Variants in NRXN3 observed in about 807,000 individuals in gnomAD.
NRXN3 encodes the protein neurexin III.
Under a neutral mutation model 137.6 loss-of-function variants are expected in NRXN3, and 32 were observed. The ratio of observed to expected loss-of-function variants is 0.23; its 90% CI spans 0.18 to 0.31. The LOEUF (loss-of-function observed/expected upper bound fraction) is 0.31. Ranked by LOEUF, NRXN3 falls within the 10% of genes least tolerant of loss-of-function variation. The pLI is 1.00. For synonymous variants in NRXN3, 798 were observed against 784.5 expected, an observed-to-expected ratio of 1.02 and a Z score of -0.29; for missense variants, 1,574 against 2,062.5, an observed-to-expected ratio of 0.76 and a Z score of 4.59.
intron 2 of NRXN3, among the ~76,000 whole-genome samples, chr14:78,255,962 C>T (rs1372295909): frequency 1.3e-5 from 2 of 152,148 alleles, no homozygotes; most frequent in African/African-American, 2.4e-5. Context: ...TTGGAAACAC[C>T]TTCTTTCTTT....
intron 4 of NRXN3, among the ~76,000 whole-genome samples, chr14:78,609,144 T>G (rs1205902572): frequency 6.6e-6 from 1 of 152,090 alleles, no homozygotes; most frequent in Non-Finnish European, 1.5e-5. Flanking sequence ...ATCTTGAAAC[T>G]AATAGCTGGA....
intron 10 of NRXN3, among the ~76,000 whole-genome samples, chr14:78,954,982 G>A (rs2099394210): frequency 6.6e-6 from 1 of 152,020 alleles, no homozygotes; most frequent in South Asian, 2.1e-4. Context: ...TACCAATGAA[G>A]CAATGTTCCC....
At chr14:78,666,994 A>G (rs1364211592) in intron 6 of NRXN3, among the ~76,000 whole-genome samples, 1 of 151,922 alleles carries the variant, frequency 6.6e-6, no homozygotes, top group East Asian at 1.9e-4. Flanking sequence ...TTCTTCTATA[A>G]CTTGTTTATT....
At chr14:79,172,640 G>T (rs576315649) in intron 15 of NRXN3, among the ~76,000 whole-genome samples, 1 of 152,136 alleles carries the variant, frequency 6.6e-6, no homozygotes, top group African/African-American at 2.4e-5. Context: ...ATGGTTTTGA[G>T]TGGTGACAAT....
At chr14:79,618,813 C>T (rs1456707603) in intron 16 of NRXN3, among the ~76,000 whole-genome samples, 7 of 152,120 alleles carry the variant, frequency 4.6e-5, no homozygotes, top group African/African-American at 9.6e-5. Context: ...TACATTCTCA[C>T]CAACAGTGTA....
chr14:79,512,380 A>G (rs73341446), intron 16 of NRXN3, among the ~76,000 whole-genome samples: 2 of 152,348 alleles, frequency 1.3e-5, no homozygotes, highest in African/African-American at 4.8e-5. Context: ...GACCTCCTCC[A>G]GATGACTATT....
chr14:78,906,466 C>T (rs1483328436), intron 10 of NRXN3, among the ~76,000 whole-genome samples: 1 of 152,074 alleles, frequency 6.6e-6, no homozygotes, highest in Non-Finnish European at 1.5e-5. Flanking sequence ...ACCAACTTGC[C>T]TTGATCCCTA....
Position 78,314,562 on chromosome 14 carries a change from G to T in NRXN3, c.757+16702G>T, listed in dbSNP as rs533753130. ...TCCTAAAGGGCCATGCCTGGACATA[G>T]TGTGCATCATCTATGATTGGCCAGA... On this transcript the variant is annotated intron_variant, in intron 4 of 20. Coordinates refer to ENST00000335750, the MANE Select transcript of NRXN3 (RefSeq NM_001330195.2). Among the ~76,000 whole-genome samples, 16 of 152,284 alleles carry T rather than the reference G, an allele frequency of 1.1e-4. No individual in the cohort carries two copies. In the East Asian group the frequency reaches 2.7e-3, roughly 26 times the overall value.
chr14:78,815,631 A>G (rs2098930593), intron 10 of NRXN3, among the ~76,000 whole-genome samples: 1 of 151,442 alleles, frequency 6.6e-6, no homozygotes. Flanking sequence ...AGTTTATTAT[A>G]CTGGACTTAT....
chr14:78,424,611 A>G (rs2093587941), intron 4 of NRXN3, among the ~76,000 whole-genome samples: 1 of 152,252 alleles, frequency 6.6e-6, no homozygotes, highest in African/African-American at 2.4e-5. Flanking sequence ...AATCTGAGAC[A>G]TCCCCAGAGC....
At chr14:79,218,922 G>T (rs777961490) in intron 15 of NRXN3, among the ~76,000 whole-genome samples, 4 of 151,912 alleles carry the variant, frequency 2.6e-5, no homozygotes, top group African/African-American at 9.7e-5. Context: ...ATATAAAGGG[G>T]TAAGAGTGAA....
At chr14:79,343,977 T>C (rs1598936102) in intron 15 of NRXN3, among the ~76,000 whole-genome samples, 2 of 152,124 alleles carry the variant, frequency 1.3e-5, no homozygotes, top group East Asian at 3.8e-4. Context: ...GCTGATTTAG[T>C]TAGTGCATGT....
intron 15 of NRXN3, among the ~76,000 whole-genome samples, chr14:79,179,975 ATGT>A (rs1383716147): frequency 6.6e-6 from 1 of 152,076 alleles, no homozygotes; most frequent in Non-Finnish European, 1.5e-5. Context: ...TTCCTCCCTA[ATGT>A]TGTGAGGTAT....
At chr14:79,609,020 T>A (rs1435778684) in intron 16 of NRXN3, among the ~76,000 whole-genome samples, 1 of 152,194 alleles carries the variant, frequency 6.6e-6, no homozygotes, top group African/African-American at 2.4e-5. Context: ...CAGTAATGCA[T>A]CATGGTGAAA....
chr14:78,338,574 A>G (rs765254535), intron 4 of NRXN3, among the ~76,000 whole-genome samples: 98 of 152,212 alleles, frequency 6.4e-4, no homozygotes, highest in Admixed American at 4.6e-4. Context: ...GGTTTCCAAA[A>G]GTAGATAAAA....
At chr14:78,179,607 A>C (rs1355811672) in intron 1 of NRXN3, among the ~76,000 whole-genome samples, 2 of 152,042 alleles carry the variant, frequency 1.3e-5, no homozygotes, top group Non-Finnish European at 2.9e-5. Flanking sequence ...CCCTGGCTCC[A>C]AATTTGGAAT....
Position 79,692,277 on chromosome 14 carries a change from AACTTTCATTTTAAAAT to A in NRXN3, c.3706+16_3706+31del, listed in dbSNP as rs1363770653. ...GCAGGAAAAAGGTAACCGTCATTAAAACTTTCATTTTAAAATCATTTGATCCTAAACCCTCATTTTT... is the reference window on the plus strand; with the variant it reads ...GCAGGAAAAAGGTAACCGTCATTAAACATTTGATCCTAAACCCTCATTTTT... On this transcript the variant is annotated intron_variant, in intron 18 of 20. Transcript: ENST00000335750. 1.3e-6 allele frequency: 2 copies of A among 1,575,480 alleles called. No homozygotes were observed. The highest frequency in any genetic ancestry group is 1.7e-6 in the Non-Finnish European group (2 of 1,153,390).
intron 4 of NRXN3, among the ~76,000 whole-genome samples, chr14:78,379,077 A>G (rs189273324): frequency 6.6e-6 from 1 of 152,226 alleles, no homozygotes; most frequent in East Asian, 1.9e-4. Flanking sequence ...GTAATATAAA[A>G]TAGATAATAT....
At chr14:78,980,910 C>T (rs549576766) in intron 14 of NRXN3, among the ~76,000 whole-genome samples, 41 of 152,288 alleles carry the variant, frequency 2.7e-4, no homozygotes, top group African/African-American at 9.1e-4. Flanking sequence ...GAGAGTTATT[C>T]ACATATCAAG....
Sources: gnomAD v4.1 joint callset for allele counts (sites outside exome capture counted in the v4.1 genomes callset) on GRCh38, gnomAD v4.1.1 for gene constraint, MANE v1.5 for transcripts, NCBI Gene and HGNC (gene_info 2026-07-23, HGNC 2026-07-21) for gene names.